The following MEIS3 variants were observed in gnomAD, a reference collection of about 807,000 sequenced individuals.
The protein encoded by MEIS3 is Meis homeobox 3, also known as homeobox protein Meis3.
MEIS3 carries 38 observed loss-of-function variants against 51.4 expected under a neutral mutation model. The ratio of observed to expected loss-of-function variants is 0.74; its 90% CI spans 0.57 to 0.97. The LOEUF is 0.97. Among genes scored for constraint, MEIS3 ranks in the 50% least tolerant of loss-of-function variants. MEIS3 has a pLI of 0.00. For synonymous variants in MEIS3, 198 were observed against 201.8 expected (o/e 0.98, Z 0.16); for missense variants, 456 against 502.6 (o/e 0.91, Z 0.89).
rs766231964 is a variant in MEIS3 at position 47,414,871 on chromosome 19, G to C, written c.448-5C>G. ...GTTGTCGCACAGGTCGTGGACCTGGGGGGGCACCGGGGTACTGGGGGGGGC... is the reference window on the plus strand; with the variant it reads ...GTTGTCGCACAGGTCGTGGACCTGGCGGGGCACCGGGGTACTGGGGGGGGC... On this transcript the variant is annotated splice_region_variant and splice_polypyrimidine_tract_variant and intron_variant, in intron 5 of 12. Coordinates refer to ENST00000558555, the MANE Select transcript of MEIS3 (RefSeq NM_001301059.2). 6.2e-6 allele frequency: 10 copies of C among 1,610,650 alleles called. No homozygotes were observed. In the Admixed American group the frequency reaches 1.3e-4, roughly 22 times the overall value.
At chr19:47,417,625 GA>G (rs1466491683) in intron 1 of MEIS3, 11 of 702,892 alleles carry the variant, frequency 1.6e-5, no homozygotes, top group African/African-American at 1.4e-4. Context: ...GGCTGGGAGG[GA>G]AAAGAGATGG....
At chr19:47,410,534 A>G (rs1971081983) in intron 6 of MEIS3, among the ~76,000 whole-genome samples, 2 of 151,956 alleles carry the variant, frequency 1.3e-5, no homozygotes, top group Admixed American at 6.6e-5. Context: ...TGGGAGGCCC[A>G]GGCGGGTAGA....
At chr19:47,420,934 A>ACT (rs1568434238), upstream of MEIS3, among the ~76,000 whole-genome samples, 3 of 103,496 alleles carry the variant, frequency 2.9e-5, no homozygotes, top group South Asian at 3.4e-4. Flanking sequence ...ACACACACAC[A>ACT]CACACACTCT....
Position 47,417,306 on chromosome 19 carries a change from T to G in MEIS3, c.57A>C (p.Ala19=), listed in dbSNP as rs2122563337. 1 of 1,613,726 alleles carries G rather than the reference T, an allele frequency of 6.2e-7. No individual in the cohort carries two copies. Among genetic ancestry groups the G allele is most frequent in the East Asian group, 2.2e-5 (1 of 44,884 alleles). ...CTGTCTCTGGGAAGCTAGCCAGGGC[T>G]GCGGGGCCATCCACGATGCCTGGGT... ...PHYPGIVDGP[A]ALASFPETVP... The change falls in exon 2 of 13, where the codon GCA becomes GCC. Residue 19 remains alanine (A), a synonymous_variant. Transcript: ENST00000558555.
chr19:47,408,104 C>A (rs2074298368), intron 8 of MEIS3, among the ~76,000 whole-genome samples: 1 of 152,048 alleles, frequency 6.6e-6, no homozygotes, highest in Non-Finnish European at 1.5e-5. Flanking sequence ...CGCACCCAGC[C>A]CTCCCTATCC....
chr19:47,414,914 C>T (rs752732950), intron 5 of MEIS3, 48 bp from the exon 6 acceptor site: 26 of 308,468 alleles, frequency 8.4e-5, no homozygotes, highest in South Asian at 7.1e-4. Flanking sequence ...GGGGGCAGGG[C>T]GGGGGTGCTC....
chr19:47,412,337 C>A (rs1048839810), intron 6 of MEIS3: 8 of 152,168 alleles, frequency 5.3e-5, no homozygotes, highest in African/African-American at 1.4e-4. Context: ...AAAATCTTAG[C>A]CGCTGTCAAG....
Position 47,415,132 on chromosome 19 carries a change from C to T in MEIS3, c.397-31G>A, listed in dbSNP as rs764679117. Reference sequence around the variant, plus strand: ...AACGTGGGCGGGAGGTGGGGGGAGACAGAGGGAATTGGGGGAGGGAGCAGG... The same window carrying T: ...AACGTGGGCGGGAGGTGGGGGGAGATAGAGGGAATTGGGGGAGGGAGCAGG... On this transcript the variant is annotated intron_variant, in intron 4 of 12. Transcript: ENST00000558555. The T allele has an allele frequency of 1.7e-5, 21 of 1,215,718 alleles. No homozygotes were observed. The South Asian group carries it at 3.2e-4, about 18-fold the overall frequency. 75.3% of individuals were successfully genotyped at this position (1,215,718 alleles called of 1,614,324 possible).
At chr19:47,413,449 G>A (rs928703799) in intron 6 of MEIS3, among the ~76,000 whole-genome samples, 1 of 152,020 alleles carries the variant, frequency 6.6e-6, no homozygotes, top group African/African-American at 2.4e-5. Flanking sequence ...TCTGGCTGTG[G>A]CGTGGTCGTC....
chr19:47,413,017 A>G (rs1002764095), intron 6 of MEIS3, among the ~76,000 whole-genome samples: 2 of 151,086 alleles, frequency 1.3e-5, no homozygotes, highest in African/African-American at 4.9e-5. Context: ...ACCAGTCTAC[A>G]TTTTCCTTTC....
chr19:47,404,027 C>A (rs891500498), intron 12 of MEIS3, among the ~76,000 whole-genome samples: 1 of 151,998 alleles, frequency 6.6e-6, no homozygotes, highest in Non-Finnish European at 1.5e-5. Flanking sequence ...CAAAGCGAGA[C>A]CCGTCTCTAC....
At chr19:47,406,374 C>A in intron 12 of MEIS3, 86 bp downstream of exon 12, 1 of 1,134,464 alleles carries the variant, frequency 8.8e-7, no homozygotes, top group Non-Finnish European at 1.3e-6. Context: ...GGCTGACCCA[C>A]TACTCTGGAA....
In MEIS3 at chr19:47,403,467, G is replaced by A; in HGVS notation, c.*104C>T. The A allele has an allele frequency of 2.2e-6, 1 of 455,932 alleles. No homozygotes were observed. Among genetic ancestry groups the A allele is most frequent in the South Asian group, 1.5e-5 (1 of 64,530 alleles). 28.2% of individuals were successfully genotyped at this position (455,932 alleles called of 1,614,324 possible). On this transcript the variant is annotated 3_prime_UTR_variant, in exon 13 of 13. Transcript: ENST00000558555. ...AGGGAGGTAGGCATTGAGCAGAGGG[G>A]CCTTTGGAGGTGGGGTCCTGAAGCT...
At chr19:47,407,760 T>C (rs2122484885) in intron 8 of MEIS3, 1 of 481,410 alleles carries the variant, frequency 2.1e-6, no homozygotes, top group East Asian at 3.3e-5. Context: ...GCCCAGGCCC[T>C]CCCTCTCTGA....
At chr19:47,420,710 A>C (rs1191935440), upstream of MEIS3, among the ~76,000 whole-genome samples, 1 of 151,480 alleles carries the variant, frequency 6.6e-6, no homozygotes, top group Non-Finnish European at 1.5e-5. Context: ...TTTCTAATTA[A>C]AGAAAGAGAC....
intron 6 of MEIS3, among the ~76,000 whole-genome samples, chr19:47,411,223 A>C (rs1971117239): frequency 6.6e-6 from 1 of 152,162 alleles, no homozygotes; most frequent in South Asian, 2.1e-4. Flanking sequence ...GGCGTGAGCC[A>C]CTGCGCCAGG....
chr19:47,419,924 T>G (rs1971644140), upstream of MEIS3, among the ~76,000 whole-genome samples: 1 of 152,116 alleles, frequency 6.6e-6, no homozygotes, highest in African/African-American at 2.4e-5. Context: ...GGTCCCACCG[T>G]AGGCTCTCCC....
At chr19:47,404,699 C>T (rs1970737003) in intron 12 of MEIS3, among the ~76,000 whole-genome samples, 1 of 152,146 alleles carries the variant, frequency 6.6e-6, no homozygotes, top group African/African-American at 2.4e-5. Flanking sequence ...GTCAGATGCC[C>T]CCTCCTCCAG....
Position 47,417,932 on chromosome 19 carries a change from CAT to C in MEIS3, c.13-584_13-583del, listed in dbSNP as rs1044222053. The C allele has an allele frequency of 7.0e-6, 4 of 568,504 alleles. No homozygotes were observed. The African/African-American group carries it at 8.2e-5, about 12-fold the overall frequency. The allele number at this position is 568,504 out of a possible 1,614,324, so 35.2% of individuals were successfully genotyped here. A position where few individuals can be genotyped will look rare whatever the true frequency, so the allele number is the denominator to read the frequency against. Reference sequence around the variant, plus strand: ...ACCCAAATCCCCCCCCCCACACACACATGCACACACACATGCACACAGCCCAA... The same window carrying C: ...ACCCAAATCCCCCCCCCCACACACACGCACACACACATGCACACAGCCCAA... On this transcript the variant is annotated intron_variant, in intron 1 of 12. Transcript: ENST00000558555.
Sources: gnomAD v4.1 joint callset for allele counts (sites outside exome capture counted in the v4.1 genomes callset) on GRCh38, gnomAD v4.1.1 for gene constraint, MANE v1.5 for transcripts, NCBI Gene and HGNC (gene_info 2026-07-23, HGNC 2026-07-21) for gene names.